The following GLI1 variants were observed in gnomAD, a reference collection of about 807,000 sequenced individuals.
GLI1 encodes the protein transcription activator GLI1.
GLI1 carries 51 observed loss-of-function variants against 87.8 expected under a neutral mutation model. The observed-to-expected ratio is 0.58, with a 90% CI of 0.46 to 0.73. GLI1 has a LOEUF of 0.73. GLI1 is among the 30% of genes least tolerant of loss of function. GLI1 has a pLI of 0.00. For synonymous variants in GLI1, 528 were observed against 558.2 expected, an observed-to-expected ratio of 0.95 and a Z score of 0.76; for missense variants, 1,292 against 1,437.2, an observed-to-expected ratio of 0.90 and a Z score of 1.63.
chr12:57,471,428 G>T lies in GLI1; in HGVS notation c.2688G>T (p.Gln896His), dbSNP rs777734120. ...PTHSTGQLKA[Q>H]LVCNYVQSQQ... Reference sequence around the variant, plus strand: ...ATTCCACAGGGCAGCTCAAGGCTCAGCTTGTGTGTAATTATGTTCAATCTC... The same window carrying T: ...ATTCCACAGGGCAGCTCAAGGCTCATCTTGTGTGTAATTATGTTCAATCTC... The change falls in exon 12 of 12, where the codon CAG becomes CAT. Residue 896 changes from glutamine to histidine, a missense_variant. Around this residue, in one of 3 missense-constraint regions of GLI1, gnomAD observed 897 missense variants for 1,040.7 expected, o/e 0.86. Coordinates refer to ENST00000228682, the MANE Select transcript of GLI1 (RefSeq NM_005269.3). The surrounding 1 kb of genome is among the most constrained non-coding windows in gnomAD (Gnocchi z 4.9). 281 of 1,613,784 alleles carry T rather than the reference G, an allele frequency of 1.7e-4. 1 individual carries two copies. Among genetic ancestry groups the T allele is most frequent in the Non-Finnish European group, 2.3e-4 (276 of 1,179,952 alleles).
chr12:57,463,965 CT>C, intron 2 of GLI1, 33 bp from the exon 3 acceptor site: 1 of 1,482,454 alleles, frequency 6.7e-7, no homozygotes, highest in Non-Finnish European at 9.4e-7. Flanking sequence ...TTTATGTATC[CT>C]CCATTCCCAT....
rs963099490 is a variant in GLI1, at chr12:57,469,659, G to A, written c.1537G>A (p.Gly513Arg). 7 of 1,613,838 alleles carry A rather than the reference G, an allele frequency of 4.3e-6. No individual in the cohort carries two copies. In the East Asian group the frequency reaches 6.7e-5, roughly 15 times the overall value. ...CCAGCTACATCAACTCCGGCCAATA[G>A]GGACCCGGGGTCTCAAACTGCCCAG... is the stretch of plus-strand genomic sequence containing the variant. ...LDQLHQLRPI[G>R]TRGLKLPSLS... The change falls in exon 11 of 12, where the codon GGG (glycine) becomes AGG (arginine). Residue 513 changes from glycine (G) to arginine (R), a missense_variant. Coordinates refer to ENST00000228682, the MANE Select transcript of GLI1 (RefSeq NM_005269.3).
chr12:57,470,813 C>A lies in GLI1; in HGVS notation c.2073C>A (p.Ser691Arg). The change falls in exon 12 of 12, where the codon AGC (serine) becomes AGA (arginine). Residue 691 changes from serine (S) to arginine (R), a missense_variant. Transcript: ENST00000228682. ...CTGTCTACTCACCACAGCCCCCCAG[C>A]ATCACTGAGAATGCTGCCATGGATG... ...PTSVYSPQPP[S>R]ITENAAMDAR... The A allele has an allele frequency of 6.2e-7, 1 of 1,610,726 alleles. No homozygotes were observed. The highest frequency in any genetic ancestry group is 8.5e-7 in the Non-Finnish European group (1 of 1,178,150).
chr12:57,468,040 A>C lies in GLI1; in HGVS notation c.1124A>C (p.Asp375Ala), dbSNP rs1377756221. 1 of 1,614,072 alleles carries C rather than the reference A, an allele frequency of 6.2e-7. No individual in the cohort carries two copies. The highest frequency in any genetic ancestry group is 1.3e-5 in the African/African-American group (1 of 74,934). The part of the protein sequence containing the change: ...KLPGCTKRYT[D>A]PSSLRKHVKT... ...CCTGGCTGCACCAAACGCTATACAGATCCTAGCTCGCTGCGAAAACATGTC... is the reference window on the plus strand; with the variant it reads ...CCTGGCTGCACCAAACGCTATACAGCTCCTAGCTCGCTGCGAAAACATGTC... Residue 375 changes from aspartate (D) to alanine (A), a missense_variant, in exon 10 of 12, where the codon GAT becomes GCT. Asp to Ala is a moderately radical substitution (Grantham distance 126). Transcript: ENST00000228682.
chr12:57,466,184 T>G, intron 7 of GLI1, 56 bp from the exon 8 acceptor site: 1 of 1,566,022 alleles, frequency 6.4e-7, no homozygotes, highest in Non-Finnish European at 8.7e-7. Context: ...GAAGGTCTGT[T>G]CTGGACCTCA....
At chr12:57,466,413 C>T (rs1871489031) in intron 8 of GLI1, 24 bp downstream of exon 8, 1 of 1,590,798 alleles carries the variant, frequency 6.3e-7, no homozygotes, top group African/African-American at 1.3e-5. Context: ...GTCCCAAGTC[C>T]AGGGTCTCTT....
In GLI1 at chr12:57,468,025, C is replaced by G. The variant is rs768582577; in HGVS notation, c.1109C>G (p.Thr370Ser). 3.7e-6 allele frequency: 6 copies of G among 1,614,152 alleles called. No individual in the cohort carries two copies. The South Asian group carries it at 5.5e-5, about 15-fold the overall frequency. ...TATGTATGTAAGCTCCCTGGCTGCACCAAACGCTATACAGATCCTAGCTCG... is the reference window on the plus strand; with the variant it reads ...TATGTATGTAAGCTCCCTGGCTGCAGCAAACGCTATACAGATCCTAGCTCG... Reference protein sequence around the residue: ...KPYVCKLPGCTKRYTDPSSLR... With the variant: ...KPYVCKLPGCSKRYTDPSSLR... Residue 370 changes from threonine (T) to serine (S), a missense_variant, in exon 10 of 12, where the codon ACC becomes AGC. Transcript: ENST00000228682.
Position 57,467,999 on chromosome 12 carries a change from G to A in GLI1, c.1083G>A (p.Pro361=), listed in dbSNP as rs146290478. The A allele has an allele frequency of 4.2e-5, 68 of 1,611,088 alleles. No individual in the cohort carries two copies. Among genetic ancestry groups the A allele is most frequent in the South Asian group, 1.8e-4 (16 of 91,020 alleles). Residue 361 remains proline (P), a synonymous_variant, in exon 10 of 12, where the codon CCG becomes CCA. Transcript: ENST00000228682. The part of the protein sequence containing the change: ...HQNRTHSNEK[P]YVCKLPGCTK... Reference sequence around the variant, plus strand: ...CTCCACTCTCCACTCAACAGAAGCCGTATGTATGTAAGCTCCCTGGCTGCA... The same window carrying A: ...CTCCACTCTCCACTCAACAGAAGCCATATGTATGTAAGCTCCCTGGCTGCA...
In GLI1 at chr12:57,471,597, G is replaced by A. The variant is rs1594751650; in HGVS notation, c.2857G>A (p.Gly953Arg). 5.0e-6 allele frequency: 8 copies of A among 1,613,898 alleles called. No homozygotes were observed. The Middle Eastern group carries it at 6.6e-4, about 133-fold the overall frequency. ...AGTGAACACATATGGACCTGGCTTT[G>A]GACCCAACTTGCCCAATCACAAGTC... Reference protein sequence around the residue: ...APVNTYGPGFGPNLPNHKSGS... With the variant: ...APVNTYGPGFRPNLPNHKSGS... The change falls in exon 12 of 12, where the codon GGA becomes AGA. Residue 953 changes from glycine to arginine, a missense_variant. Coordinates refer to ENST00000228682, the MANE Select transcript of GLI1 (RefSeq NM_005269.3). This position sits in a 1 kb window ranked among gnomAD's most constrained non-coding sequence, Gnocchi z 4.9.
intron 1 of GLI1, among the ~76,000 whole-genome samples, chr12:57,461,160 G>T (rs1871115221): frequency 6.6e-6 from 1 of 152,216 alleles, no homozygotes; most frequent in South Asian, 2.1e-4. Flanking sequence ...TACGGAAAGG[G>T]GACCCCGTAG....
At chr12:57,466,521 T>C (rs780617810) in intron 8 of GLI1, 132 bp downstream of exon 8, 1 of 642,098 alleles carries the variant, frequency 1.6e-6, no homozygotes, top group Non-Finnish European at 2.6e-6. Flanking sequence ...AATGTTTGTG[T>C]GACTGTGTTG....
intron 1 of GLI1, among the ~76,000 whole-genome samples, chr12:57,463,299 C>A (rs1871261465): frequency 6.6e-6 from 1 of 152,186 alleles, no homozygotes; most frequent in Non-Finnish European, 1.5e-5. Flanking sequence ...CTCACTGAAA[C>A]CTCCGCCTCC....
chr12:57,469,838 C>T (rs1871750468), intron 11 of GLI1, 140 bp downstream of exon 11: 2 of 767,738 alleles, frequency 2.6e-6, no homozygotes, highest in Admixed American at 2.7e-5. Flanking sequence ...AGACACTTTC[C>T]ATTTATCAGA....
At position 57,471,778 on chromosome 12, in the gene GLI1, A is replaced by G. The variant is rs1871972667; in HGVS notation, c.3038A>G (p.His1013Arg). ...GGAGGCACAAACCCCAGCTGTGGTC[A>G]TCCTGAGGTGGGCAGGCTAGGAGGG... ...KVGGTNPSCGHPEVGRLGGGP... is the reference protein window; with the variant it reads ...KVGGTNPSCGRPEVGRLGGGP... The change falls in exon 12 of 12, where the codon CAT becomes CGT. Residue 1013 changes from histidine to arginine, a missense_variant. Around this residue, in one of 3 missense-constraint regions of GLI1, gnomAD observed 897 missense variants for 1,040.7 expected, o/e 0.86. Transcript: ENST00000228682. The surrounding 1 kb of genome is among the most constrained non-coding windows in gnomAD (Gnocchi z 4.9). 6.4e-7 allele frequency: 1 copy of G among 1,563,976 alleles called. No homozygotes were observed. Among genetic ancestry groups the G allele is most frequent in the Admixed American group, 1.8e-5 (1 of 54,230 alleles).
intron 4 of GLI1, 70 bp from the exon 5 acceptor site, chr12:57,465,041 T>A: frequency 6.6e-7 from 1 of 1,505,416 alleles, no homozygotes; most frequent in Non-Finnish European, 9.3e-7. Context: ...CTTCCAGAAA[T>A]CCTCCAAATA....
In GLI1 at chr12:57,470,679, G is replaced by A. The variant is rs1737787158; in HGVS notation, c.1939G>A (p.Asp647Asn). Residue 647 changes from aspartate (D) to asparagine (N), a missense_variant, in exon 12 of 12, where the codon GAC becomes AAC. Physicochemically the swap from Asp to Asn is conservative, Grantham distance 23 (BLOSUM62 1). Around this residue, in one of 3 missense-constraint regions of GLI1, gnomAD observed 897 missense variants for 1,040.7 expected, o/e 0.86. Transcript: ENST00000228682. The part of the protein sequence containing the change: ...RRASDPAQAA[D>N]RPAPARVQRF... The stretch of plus-strand genomic sequence containing the variant: ...GGCCAGTGACCCAGCCCAGGCTGCT[G>A]ACCGTCCTGCTCCAGCTAGAGTCCA... 1 of 1,612,936 alleles carries A rather than the reference G, an allele frequency of 6.2e-7. No homozygotes were observed. The highest frequency in any genetic ancestry group is 8.5e-7 in the Non-Finnish European group (1 of 1,179,560).
chr12:57,470,703 C>T lies in GLI1; in HGVS notation c.1963C>T (p.Gln655Ter). The stretch of plus-strand genomic sequence containing the variant: ...TGACCGTCCTGCTCCAGCTAGAGTC[C>T]AGAGGTTCAAGAGCCTGGGCTGTGT... ...AADRPAPARV[Q>*]RFKSLGCVHT... Residue 655 changes from glutamine (Q) to a stop codon, truncating the protein, a stop_gained, in exon 12 of 12, where the codon CAG becomes TAG. Transcript: ENST00000228682. LOFTEE classifies it high-confidence loss of function. 6.2e-7 allele frequency: 1 copy of T among 1,612,360 alleles called. No homozygotes were observed. Among genetic ancestry groups the T allele is most frequent in the Non-Finnish European group, 8.5e-7 (1 of 1,179,172 alleles).
chr12:57,468,255 T>TA, intron 10 of GLI1, 31 bp downstream of exon 10: 1 of 1,433,012 alleles, frequency 7.0e-7, no homozygotes, highest in Non-Finnish European at 9.8e-7. Context: ...CTCACCTCCA[T>TA]ACCCCAGCCC....
Position 57,465,662 on chromosome 12 carries a change from G to A in GLI1, c.590G>A (p.Gly197Asp). The change falls in exon 6 of 12, where the codon GGT becomes GAT. Residue 197 changes from glycine to aspartate, a missense_variant. Gly to Asp is a moderately conservative substitution (Grantham distance 94). This residue lies in a region of GLI1 where 383 missense variants were observed against 368.4 expected (regional missense o/e 1.04). Transcript: ENST00000228682. ...VGKCREEPLE[G>D]DMSSPNSTGI... ...AAGTGCCGGGAGGAACCCTTGGAAG[G>A]TGATATGTCCAGCCCCAACTCCACA... The A allele has an allele frequency of 6.2e-7, 1 of 1,614,220 alleles. No individual in the cohort carries two copies. The highest frequency in any genetic ancestry group is 8.5e-7 in the Non-Finnish European group (1 of 1,180,018).
Sources: allele counts gnomAD v4.1 joint callset (sites outside exome capture counted in the v4.1 genomes callset), GRCh38; gene constraint gnomAD v4.1.1; regional missense constraint gnomAD v4.1.1; non-coding constraint Gnocchi (gnomAD v3.1); transcripts MANE v1.5; gene names NCBI Gene and HGNC (gene_info 2026-07-23, HGNC 2026-07-21).